Variants in EXOC6B observed in about 807,000 individuals in gnomAD.
EXOC6B encodes the protein exocyst complex component 6B.
Under a neutral mutation model 113.5 loss-of-function variants are expected in EXOC6B, and 54 were observed. The observed-to-expected ratio is 0.48, with a 90% CI of 0.38 to 0.60. EXOC6B has a LOEUF of 0.60. EXOC6B is among the 20% of genes least tolerant of loss of function. The pLI is 0.00. For synonymous variants in EXOC6B, 357 were observed against 339.0 expected (o/e 1.05, Z -0.58); for missense variants, 797 against 977.5 (o/e 0.82, Z 2.46).
At chr2:72,618,824 G>A (rs938580255) in intron 6 of EXOC6B, among the ~76,000 whole-genome samples, 1 of 152,032 alleles carries the variant, frequency 6.6e-6, no homozygotes, top group Non-Finnish European at 1.5e-5. Flanking sequence ...GGTAATTCTG[G>A]AAACTAACCC....
chr2:72,397,129 A>C (rs1655892851), intron 18 of EXOC6B, among the ~76,000 whole-genome samples: 1 of 151,894 alleles, frequency 6.6e-6, no homozygotes, highest in South Asian at 2.1e-4. Context: ...GAAAGTACCA[A>C]CTCCTGTAGA....
chr2:72,284,249 C>A (rs1685295272), intron 20 of EXOC6B, among the ~76,000 whole-genome samples: 1 of 151,990 alleles, frequency 6.6e-6, no homozygotes, highest in Admixed American at 6.6e-5. Flanking sequence ...AAATCAAATC[C>A]AACAATGTAT....
intron 18 of EXOC6B, among the ~76,000 whole-genome samples, chr2:72,446,026 C>T (rs895619436): frequency 3.3e-5 from 5 of 152,040 alleles, no homozygotes; most frequent in African/African-American, 4.8e-5. Flanking sequence ...GGAAAGGGAA[C>T]GCTTATACAC....
At chr2:72,244,796 A>G (rs1682548944) in intron 20 of EXOC6B, among the ~76,000 whole-genome samples, 1 of 152,186 alleles carries the variant, frequency 6.6e-6, no homozygotes, top group African/African-American at 2.4e-5. Context: ...GCGAGGGTGC[A>G]GGATACAAGA....
intron 6 of EXOC6B, among the ~76,000 whole-genome samples, chr2:72,615,040 A>T (rs1423386841): frequency 6.6e-6 from 1 of 152,140 alleles, no homozygotes; most frequent in Admixed American, 6.6e-5. Context: ...CTTGGTGCAG[A>T]GCAGAACAAA....
intron 11 of EXOC6B, among the ~76,000 whole-genome samples, chr2:72,503,865 C>A (rs1324163064): frequency 2.9e-5 from 3 of 102,808 alleles, no homozygotes; most frequent in Non-Finnish European, 7.1e-5. Flanking sequence ...TGGTGTGGTT[C>A]GTGTTCTGGA....
chr2:72,419,570 A>C (rs1003646925), intron 18 of EXOC6B, among the ~76,000 whole-genome samples: 3 of 152,168 alleles, frequency 2.0e-5, no homozygotes, highest in Admixed American at 2.0e-4. Flanking sequence ...ATTTTTCCAG[A>C]TATAGAATTC....
chr2:72,818,337 A>AT (rs1686389835), intron 1 of EXOC6B, among the ~76,000 whole-genome samples: 1 of 67,522 alleles, frequency 1.5e-5, no homozygotes, highest in Non-Finnish European at 3.1e-5. Context: ...TTTTTTTTGT[A>AT]TTTTTAGTAG....
intron 18 of EXOC6B, among the ~76,000 whole-genome samples, chr2:72,460,020 GGAACA>G (rs1369561737): frequency 6.6e-6 from 1 of 151,924 alleles, no homozygotes; most frequent in Non-Finnish European, 1.5e-5. Flanking sequence ...ATAGATCAAT[GGAACA>G]GAACAGAGCC....
At chr2:72,523,887 A>T (rs535872277) in intron 8 of EXOC6B, among the ~76,000 whole-genome samples, 1 of 151,452 alleles carries the variant, frequency 6.6e-6, no homozygotes, top group East Asian at 1.9e-4. Context: ...GGTCTATTGG[A>T]GAGTGGGCTG....
chr2:72,614,679 C>A (rs753491574), intron 6 of EXOC6B, among the ~76,000 whole-genome samples: 1 of 152,082 alleles, frequency 6.6e-6, no homozygotes, highest in Admixed American at 6.6e-5. Context: ...CAAGTAAAAA[C>A]GTTAGCTAAA....
At chr2:72,415,431 C>A (rs2105239033) in intron 18 of EXOC6B, among the ~76,000 whole-genome samples, 1 of 151,274 alleles carries the variant, frequency 6.6e-6, no homozygotes, top group East Asian at 1.9e-4. Flanking sequence ...AAACAGAAAA[C>A]ACCTATATTT....
Position 72,179,255 on chromosome 2 carries a change from A to G in EXOC6B, c.*80T>C. 6.9e-7 allele frequency: 1 copy of G among 1,444,582 alleles called. No homozygotes were observed. Among genetic ancestry groups the G allele is most frequent in the Non-Finnish European group, 9.2e-7 (1 of 1,085,944 alleles). The allele number at this position is 1,444,582 out of a possible 1,614,324, so 89.5% of individuals were successfully genotyped here. On this transcript the variant is annotated 3_prime_UTR_variant, in exon 22 of 22. Coordinates refer to ENST00000272427, the MANE Select transcript of EXOC6B (RefSeq NM_015189.3). ...TGCTCTCTTTGAAGAAGAATGCACA[A>G]ATGCAGGGTCAGCTGGGGCTGGACC... is the stretch of plus-strand genomic sequence containing the variant.
chr2:72,609,399 G>A (rs2104070640), intron 6 of EXOC6B, among the ~76,000 whole-genome samples: 2 of 151,792 alleles, frequency 1.3e-5, no homozygotes, highest in South Asian at 4.2e-4. Context: ...ACTCAAAAAT[G>A]AACCAAATAG....
chr2:72,511,808 C>G (rs1700916768), intron 11 of EXOC6B, among the ~76,000 whole-genome samples: 1 of 152,078 alleles, frequency 6.6e-6, no homozygotes, highest in African/African-American at 2.4e-5. Context: ...GCTATGTTCC[C>G]TTAAAATAGG....
intron 18 of EXOC6B, among the ~76,000 whole-genome samples, chr2:72,441,387 A>G (rs549150570): frequency 6.6e-6 from 1 of 152,242 alleles, no homozygotes; most frequent in East Asian, 1.9e-4. Flanking sequence ...CAAGGAAAAA[A>G]CAAAATCAGA....
rs549142318 is a variant in EXOC6B at position 72,618,729 on chromosome 2, C to T, written c.670-43061G>A. 1.1e-4 allele frequency among the ~76,000 whole-genome samples: 17 copies of T among 152,338 alleles called. No homozygotes were observed. In the South Asian group the frequency reaches 3.3e-3, roughly 30 times the overall value. ...TGGATGTGGTACATGTTGCTGCTTG[C>T]TTAACCTACATCCATTCCTCTACAC... On this transcript the variant is annotated intron_variant, in intron 6 of 21. Transcript: ENST00000272427.
intron 11 of EXOC6B, among the ~76,000 whole-genome samples, chr2:72,506,610 C>G: frequency 6.6e-6 from 1 of 152,278 alleles, no homozygotes; most frequent in East Asian, 1.9e-4. Flanking sequence ...TAAAATACAG[C>G]ATTTCCAATT....
At chr2:72,418,295 G>A (rs912578704) in intron 18 of EXOC6B, among the ~76,000 whole-genome samples, 18 of 152,016 alleles carry the variant, frequency 1.2e-4, no homozygotes, top group Non-Finnish European at 2.4e-4. Context: ...TTTCCATTTT[G>A]CAAAACTGAA....
Sources: gnomAD v4.1 joint callset for allele counts (sites outside exome capture counted in the v4.1 genomes callset) on GRCh38, gnomAD v4.1.1 for gene constraint, MANE v1.5 for transcripts, NCBI Gene and HGNC (gene_info 2026-07-23, HGNC 2026-07-21) for gene names.